NEBL: variants seen among roughly 807,000 people sequenced by gnomAD.
NEBL encodes the protein nebulette.
NEBL carries 122 observed loss-of-function variants against 140.2 expected under a neutral mutation model. The ratio of observed to expected loss-of-function variants is 0.87; its 90% confidence interval spans 0.75 to 1.01. The LOEUF is 1.01. Among genes scored for constraint, NEBL ranks in the 50% least tolerant of loss-of-function variants. The pLI, the probability that NEBL is intolerant of heterozygous loss-of-function variation, is 0.00. For missense variants in NEBL, 1,365 were observed against 1,231.3 expected, an observed-to-expected ratio of 1.11 and a Z score of -1.62; for synonymous variants, 436 against 398.9, an observed-to-expected ratio of 1.09 and a Z score of -1.11.
rs1278890417 is a variant in NEBL, at chr10:20,780,327, T to G, written c.*5420A>C. 6.6e-6 allele frequency: 1 copy of G among 152,238 alleles called. No individual in the cohort carries two copies. Among genetic ancestry groups the G allele is most frequent in the Non-Finnish European group, 1.5e-5 (1 of 68,050 alleles). 9.4% of individuals were successfully genotyped at this position (152,238 alleles called of 1,614,324 possible). On this transcript the variant is annotated 3_prime_UTR_variant, in exon 28 of 28. Coordinates refer to ENST00000377122, the MANE Select transcript of NEBL (RefSeq NM_006393.3). Reference sequence around the variant, plus strand: ...TTAGAATTGTACTATTGAGGACATATGAGGAATTTATTCTTGAAATAAATT... The same window carrying G: ...TTAGAATTGTACTATTGAGGACATAGGAGGAATTTATTCTTGAAATAAATT...
At chr10:20,910,842 G>A (rs1440782783) in intron 4 of NEBL, among the ~76,000 whole-genome samples, 1 of 97,464 alleles carries the variant, frequency 1.0e-5, no homozygotes, top group African/African-American at 4.4e-5. Context: ...TTTTTTTTTT[G>A]GCCAAAGGGG....
At position 20,815,854 on chromosome 10, in the gene NEBL, G is replaced by A. The variant is rs932996354; in HGVS notation, c.2149-137C>T. On this transcript the variant is annotated intron_variant, in intron 21 of 27. Transcript: ENST00000377122. ...TACAATCTTTGCTCACCACAGCCTC[G>A]ATCTCCCAGGCTCAGGCAATCCTCC... The A allele has an allele frequency of 1.0e-5, 7 of 695,942 alleles. No homozygotes were observed. The African/African-American group carries it at 1.1e-4, about 11-fold the overall frequency. 43.1% of individuals were successfully genotyped at this position (695,942 alleles called of 1,614,324 possible).
At chr10:21,088,599 G>C (rs759541210) in intron 2 of NEBL, among the ~76,000 whole-genome samples, 6 of 152,150 alleles carry the variant, frequency 3.9e-5, no homozygotes, top group African/African-American at 4.8e-5. Flanking sequence ...CTTCCTGCGG[G>C]GATGGAAACT....
chr10:20,969,702 C>T (rs542044990), intron 3 of NEBL, among the ~76,000 whole-genome samples: 1 of 151,992 alleles, frequency 6.6e-6, no homozygotes, highest in South Asian at 2.1e-4. Flanking sequence ...TACACCACCA[C>T]ACTGAGCTAA....
chr10:20,873,123 G>T (rs913167171), intron 5 of NEBL, among the ~76,000 whole-genome samples: 1 of 152,134 alleles, frequency 6.6e-6, no homozygotes, highest in Non-Finnish European at 1.5e-5. Flanking sequence ...ATAAGTATTT[G>T]CTCCAATCTA....
At chr10:20,821,824 T>C (rs1238072676) in intron 19 of NEBL, among the ~76,000 whole-genome samples, 3 of 152,192 alleles carry the variant, frequency 2.0e-5, no homozygotes, top group Non-Finnish European at 4.4e-5. Context: ...CTGCCATCTT[T>C]CACCCCAAGT....
At chr10:20,806,880 T>C (rs140206774) in intron 26 of NEBL, among the ~76,000 whole-genome samples, 1 of 152,230 alleles carries the variant, frequency 6.6e-6, no homozygotes, top group Non-Finnish European at 1.5e-5. Flanking sequence ...AATTCCAGTA[T>C]GCTGAACTGA....
chr10:21,225,563 T>TG (rs1369735341), intron 3 of NEBL, among the ~76,000 whole-genome samples: 1 of 152,188 alleles, frequency 6.6e-6, no homozygotes, highest in Non-Finnish European at 1.5e-5. Context: ...CCTGGTGCTC[T>TG]GTGCTACTGC....
chr10:20,811,027 A>C (rs1838086637), intron 24 of NEBL, among the ~76,000 whole-genome samples: 1 of 152,198 alleles, frequency 6.6e-6, no homozygotes, highest in African/African-American at 2.4e-5. Context: ...AATTGGCTTA[A>C]TCTGAATTAC....
chr10:21,080,152 A>C (rs890553154), intron 2 of NEBL, among the ~76,000 whole-genome samples: 4 of 152,250 alleles, frequency 2.6e-5, no homozygotes, highest in Admixed American at 6.5e-5. Flanking sequence ...TTTATAATGC[A>C]TATAAAATAT....
At chr10:20,794,599 T>A (rs1312512321) in intron 26 of NEBL, among the ~76,000 whole-genome samples, 1 of 152,216 alleles carries the variant, frequency 6.6e-6, no homozygotes, top group African/African-American at 2.4e-5. Context: ...AACCTGCATC[T>A]TTATAAGAAA....
intron 1 of NEBL, among the ~76,000 whole-genome samples, chr10:21,274,551 G>A (rs888990055): frequency 2.6e-5 from 4 of 151,998 alleles, no homozygotes; most frequent in East Asian, 1.9e-4. Flanking sequence ...TCAGCCTCCC[G>A]AGTAGCTGGG....
At chr10:20,822,697 CTATAGAT>C (rs1354310832) in intron 19 of NEBL, among the ~76,000 whole-genome samples, 15 of 133,426 alleles carry the variant, frequency 1.1e-4, no homozygotes, top group Admixed American at 7.6e-4. Context: ...TATATAGAGA[CTATAGAT>C]ACGTATATAT....
chr10:20,923,695 A>AAAAAAAAAAAAAAAAAAAC (rs1833721859), intron 4 of NEBL, among the ~76,000 whole-genome samples: 1 of 148,058 alleles, frequency 6.8e-6, no homozygotes, highest in Non-Finnish European at 1.5e-5. Flanking sequence ...AAAAAAAAAA[A>AAAAAAAAAAAAAAAAAAAC]AGAAATGGTT....
At chr10:21,061,740 G>A (rs911075025) in intron 2 of NEBL, among the ~76,000 whole-genome samples, 3 of 152,040 alleles carry the variant, frequency 2.0e-5, no homozygotes, top group Admixed American at 1.3e-4. Flanking sequence ...CCTAAAAGTG[G>A]TTGTGACCTC....
chr10:21,138,822 T>TAAAAAAA (rs60213612), intron 2 of NEBL, among the ~76,000 whole-genome samples: 1 of 120,172 alleles, frequency 8.3e-6, no homozygotes, highest in Non-Finnish European at 1.8e-5. Flanking sequence ...CTAAACTATT[T>TAAAAAAA]AAAAAAAAAA....
At chr10:21,100,335 C>T (rs531332390) in intron 2 of NEBL, among the ~76,000 whole-genome samples, 9 of 152,270 alleles carry the variant, frequency 5.9e-5, no homozygotes, top group Non-Finnish European at 1.0e-4. Context: ...TTCTTTATTC[C>T]CTCTCGCCAC....
At chr10:21,183,118 G>C (rs983617335) in intron 3 of NEBL, among the ~76,000 whole-genome samples, 1 of 152,138 alleles carries the variant, frequency 6.6e-6, no homozygotes, top group Non-Finnish European at 1.5e-5. Context: ...GGCCCCCCAA[G>C]CAGGGACACC....
At chr10:21,196,565 G>A (rs895694417) in intron 3 of NEBL, among the ~76,000 whole-genome samples, 7 of 151,670 alleles carry the variant, frequency 4.6e-5, no homozygotes, top group Admixed American at 2.6e-4. Context: ...GGCTGGTCTC[G>A]AACTCCTGAC....
Sources: gnomAD v4.1 joint callset for allele counts (sites outside exome capture counted in the v4.1 genomes callset) on GRCh38, gnomAD v4.1.1 for gene constraint, MANE v1.5 for transcripts, NCBI Gene and HGNC (gene_info 2026-07-23, HGNC 2026-07-21) for gene names.